MYO16: variants seen among roughly 807,000 people sequenced by gnomAD.
The protein encoded by MYO16 is myosin XVI.
MYO16 carries 94 observed loss-of-function variants against 205.3 expected under a neutral mutation model. The observed-to-expected ratio is 0.46, with a 90% CI of 0.39 to 0.54. MYO16 has a LOEUF of 0.54. MYO16 is among the 20% of genes least tolerant of loss of function. MYO16 has a pLI of 0.00. For missense variants in MYO16, 2,315 were observed against 2,387.5 expected (o/e 0.97, Z 0.63); for synonymous variants, 988 against 954.0 (o/e 1.04, Z -0.66).
intron 14 of MYO16, 44 bp from the exon 15 acceptor site, chr13:108,897,972 C>G: frequency 7.0e-7 from 1 of 1,430,378 alleles, no homozygotes; most frequent in Non-Finnish European, 9.9e-7. Flanking sequence ...AATTTTATTT[C>G]TTAAAATATG....
intron 3 of MYO16, 129 bp downstream of exon 3, chr13:108,712,860 C>T: frequency 1.5e-6 from 1 of 678,478 alleles, no homozygotes; most frequent in Non-Finnish European, 2.4e-6. Context: ...TTCTAATTAA[C>T]AGGCTTGGAT....
the MYO16 span, among the ~76,000 whole-genome samples, chr13:108,552,183 GTC>G: frequency 6.6e-6 from 1 of 152,130 alleles, no homozygotes; most frequent in African/African-American, 2.4e-5. Flanking sequence ...GGCTACAGGC[GTC>G]TCTTGCACCT....
intron 1 of MYO16, among the ~76,000 whole-genome samples, chr13:108,608,543 C>T (rs1019691788): frequency 1.3e-5 from 2 of 152,098 alleles, no homozygotes; most frequent in Admixed American, 6.6e-5. Flanking sequence ...TTCACAATTG[C>T]TATATGTATG....
chr13:108,525,919 G>T, the MYO16 span, among the ~76,000 whole-genome samples: 1 of 148,124 alleles, frequency 6.8e-6, no homozygotes, highest in South Asian at 2.2e-4. Context: ...AACAGATGCT[G>T]CTCTTCATCT....
intron 14 of MYO16, among the ~76,000 whole-genome samples, chr13:108,892,992 GT>G (rs1437185919): frequency 6.6e-6 from 1 of 152,136 alleles, no homozygotes; most frequent in African/African-American, 2.4e-5. Flanking sequence ...TAACTTGTGT[GT>G]TTTATTCACT....
At chr13:109,168,898 G>T (rs994564192) in intron 33 of MYO16, among the ~76,000 whole-genome samples, 3 of 151,970 alleles carry the variant, frequency 2.0e-5, no homozygotes, top group African/African-American at 4.8e-5. Context: ...GTACAGTGTC[G>T]GTATGGTCAA....
chr13:109,166,045 T>C (rs1194829369), intron 33 of MYO16, among the ~76,000 whole-genome samples: 1 of 152,144 alleles, frequency 6.6e-6, no homozygotes, highest in Non-Finnish European at 1.5e-5. Context: ...AGAAACCATT[T>C]TTCAAATGCA....
chr13:109,033,832 T>C (rs955214120), intron 23 of MYO16, among the ~76,000 whole-genome samples: 22 of 152,088 alleles, frequency 1.4e-4, no homozygotes, highest in African/African-American at 4.1e-4. Context: ...TCTGGAAGAA[T>C]TGGGCTATGA....
chr13:108,839,926 C>T (rs1439525029), intron 9 of MYO16, among the ~76,000 whole-genome samples: 1 of 152,172 alleles, frequency 6.6e-6, no homozygotes, highest in Non-Finnish European at 1.5e-5. Flanking sequence ...CAGTTCTAGA[C>T]ACATAAAAAC....
At chr13:108,700,883 G>T (rs1883281369) in intron 2 of MYO16, among the ~76,000 whole-genome samples, 1 of 152,110 alleles carries the variant, frequency 6.6e-6, no homozygotes, top group South Asian at 2.1e-4. Context: ...TACCTGGGAA[G>T]ACCCCAATTT....
intron 33 of MYO16, among the ~76,000 whole-genome samples, 161 bp from the exon 34 acceptor site, chr13:109,179,381 C>T (rs1156231705): frequency 2.0e-5 from 3 of 152,186 alleles, no homozygotes; most frequent in Non-Finnish European, 4.4e-5. Flanking sequence ...ACTGTGCATG[C>T]CCATGTTTCA....
At chr13:109,064,253 G>A (rs1170825226) in intron 27 of MYO16, among the ~76,000 whole-genome samples, 1 of 152,150 alleles carries the variant, frequency 6.6e-6, no homozygotes, top group Non-Finnish European at 1.5e-5. Context: ...GCCCTTTACA[G>A]GAAAAGTTTG....
the MYO16 span, among the ~76,000 whole-genome samples, chr13:108,547,541 T>A: frequency 6.6e-6 from 1 of 152,148 alleles, no homozygotes; most frequent in Non-Finnish European, 1.5e-5. Context: ...CGCACACCAC[T>A]CTGTATACTA....
rs375041750 is a variant in MYO16, at chr13:108,862,118, A to C, written c.1360-4059A>C. On this transcript the variant is annotated intron_variant, in intron 11 of 34. Transcript: ENST00000457511. ...CACAATCCCCAATGCCATAATTTAG[A>C]ATGTTGAAATCTCAAAAGATCGAAA... Among the ~76,000 whole-genome samples, 9 of 152,308 alleles carry C rather than the reference A, an allele frequency of 5.9e-5. No homozygotes were observed. In the South Asian group the frequency reaches 8.3e-4, roughly 14 times the overall value.
intron 27 of MYO16, among the ~76,000 whole-genome samples, chr13:109,085,662 A>C (rs777666701): frequency 4.4e-4 from 67 of 152,312 alleles, no homozygotes; most frequent in Admixed American, 1.2e-3. Flanking sequence ...TTAACCTTGA[A>C]TGTGTTTGTG....
At chr13:109,041,077 C>T (rs1478523222) in intron 23 of MYO16, among the ~76,000 whole-genome samples, 1 of 152,086 alleles carries the variant, frequency 6.6e-6, no homozygotes. Context: ...TAGCAATGGG[C>T]ATTGAAGTGA....
At chr13:108,524,305 CAAAA>C in the MYO16 span, among the ~76,000 whole-genome samples, 160 of 23,148 alleles carry the variant, frequency 6.9e-3, 1 homozygote, top group East Asian at 0.038. Flanking sequence ...ACTCCGTCTC[CAAAA>C]AAAAATAAAT....
At chr13:109,100,644 TGGACA>T in intron 27 of MYO16, 136 bp from the exon 28 acceptor site, 1 of 583,420 alleles carries the variant, frequency 1.7e-6, no homozygotes, top group Non-Finnish European at 3.1e-6. Context: ...AAATGCACAA[TGGACA>T]GGTATTTGGC....
chr13:109,066,122 C>T (rs145576053), intron 27 of MYO16, among the ~76,000 whole-genome samples: 4 of 152,074 alleles, frequency 2.6e-5, no homozygotes, highest in Non-Finnish European at 5.9e-5. Flanking sequence ...ATTGGGTGTT[C>T]GGAGAGGGAT....
Sources: gnomAD v4.1 joint callset for allele counts (sites outside exome capture counted in the v4.1 genomes callset) on GRCh38, gnomAD v4.1.1 for gene constraint, MANE v1.5 for transcripts, NCBI Gene and HGNC (gene_info 2026-07-23, HGNC 2026-07-21) for gene names.